Variants in ADAMTS3 observed in about 807,000 individuals in gnomAD.
ADAMTS3 encodes the protein A disintegrin and metalloproteinase with thrombospondin motifs 3.
A neutral mutation model predicts 129.0 loss-of-function variants in ADAMTS3; 73 were observed. The ratio of observed to expected loss-of-function variants is 0.57; its 90% CI spans 0.47 to 0.69. ADAMTS3 has a LOEUF of 0.69. Among genes scored for constraint, ADAMTS3 ranks in the 30% least tolerant of loss-of-function variants. The probability of loss-of-function intolerance (pLI) is 0.00; values close to 1 mark genes in which losing one functional copy is unlikely to be tolerated. For missense variants in ADAMTS3, 1,457 were observed against 1,514.5 expected (o/e 0.96, Z 0.63); for synonymous variants, 477 against 510.8 (o/e 0.93, Z 0.89).
intron 3 of ADAMTS3, among the ~76,000 whole-genome samples, chr4:72,518,293 CT>C (rs1349650324): frequency 6.6e-6 from 1 of 152,068 alleles, no homozygotes; most frequent in African/African-American, 2.4e-5. Context: ...TGGTATGGTG[CT>C]GAAAAAAATG....
intron 5 of ADAMTS3, among the ~76,000 whole-genome samples, chr4:72,337,055 G>C (rs372709773): frequency 6.6e-6 from 1 of 152,172 alleles, no homozygotes. Context: ...TTCTTCATCT[G>C]TGTGATTTCC....
In ADAMTS3 at chr4:72,318,882, T is replaced by G. The variant is rs545645481; in HGVS notation, c.1353-178A>C. On this transcript the variant is annotated intron_variant, in intron 9 of 21. Coordinates refer to ENST00000286657, the MANE Select transcript of ADAMTS3 (RefSeq NM_014243.3). ...TGGTTCCATTTAGAAAAAGACTCTT[T>G]ACCTGTATTCATGCCAGGAAAGTAA... Among the ~76,000 whole-genome samples the G allele has an allele frequency of 5.9e-5, 9 of 152,326 alleles. 1 individual carries two copies. The East Asian group carries it at 1.7e-3, about 29-fold the overall frequency.
intron 3 of ADAMTS3, among the ~76,000 whole-genome samples, chr4:72,524,442 AAAT>A (rs775643861): frequency 2.4e-4 from 36 of 152,276 alleles, no homozygotes; most frequent in Admixed American, 1.3e-3. Flanking sequence ...GTACAGCTAA[AAAT>A]AATAATAATA....
At chr4:72,399,625 G>T (rs764118774) in intron 4 of ADAMTS3, among the ~76,000 whole-genome samples, 2 of 151,616 alleles carry the variant, frequency 1.3e-5, no homozygotes, top group Non-Finnish European at 1.5e-5. Flanking sequence ...TATAATTCTT[G>T]GGAGACTCAA....
intron 3 of ADAMTS3, among the ~76,000 whole-genome samples, chr4:72,530,453 T>A (rs376391081): frequency 4.5e-5 from 4 of 89,656 alleles, no homozygotes; most frequent in South Asian, 7.4e-4. Context: ...TAATATATAT[T>A]ATATATTAAA....
chr4:72,449,097 T>C (rs557168263), intron 3 of ADAMTS3, among the ~76,000 whole-genome samples: 5 of 151,838 alleles, frequency 3.3e-5, no homozygotes, highest in African/African-American at 9.6e-5. Flanking sequence ...TGACTCTTTC[T>C]CTGCACTTGT....
At position 72,315,862 on chromosome 4, in the gene ADAMTS3, C is replaced by A. The variant is rs955361741; in HGVS notation, c.1595G>T (p.Gly532Val). Residue 532 changes from glycine to valine, a missense_variant, in exon 11 of 22, where the codon GGA becomes GTA. By Grantham distance (109) the Gly-to-Val change is moderately radical. Transcript: ENST00000286657. ...PPLDGTECAA[G>V]KWCYKGHCMW... ...TGTGTAAATAGATATACTCACTTTTCCAGCAGCACATTCAGTCCCATCAAG... is the reference window on the plus strand; with the variant it reads ...TGTGTAAATAGATATACTCACTTTTACAGCAGCACATTCAGTCCCATCAAG... 11 of 1,588,384 alleles carry A rather than the reference C, an allele frequency of 6.9e-6. No individual in the cohort carries two copies. The highest frequency in any genetic ancestry group is 9.5e-6 in the Non-Finnish European group (11 of 1,160,900).
At chr4:72,322,641 G>A (rs184378257) in intron 6 of ADAMTS3, among the ~76,000 whole-genome samples, 4 of 152,116 alleles carry the variant, frequency 2.6e-5, no homozygotes, top group African/African-American at 9.6e-5. Context: ...GCACTTAGTA[G>A]GCATTCAATA....
intron 4 of ADAMTS3, among the ~76,000 whole-genome samples, chr4:72,349,001 C>A (rs560673271): frequency 6.6e-6 from 1 of 152,044 alleles, no homozygotes; most frequent in Non-Finnish European, 1.5e-5. Context: ...CCTTAGACTT[C>A]TGACCTATAG....
chr4:72,306,723 T>A (rs1719098522), intron 15 of ADAMTS3, among the ~76,000 whole-genome samples: 1 of 151,970 alleles, frequency 6.6e-6, no homozygotes, highest in Admixed American at 6.6e-5. Context: ...GTGTGCAAGA[T>A]GTGTTATGCA....
intron 3 of ADAMTS3, among the ~76,000 whole-genome samples, chr4:72,436,248 G>GA: frequency 6.6e-6 from 1 of 152,128 alleles, no homozygotes; most frequent in South Asian, 2.1e-4. Flanking sequence ...AAAGACACAT[G>GA]AAAAAAATGT....
At chr4:72,400,271 T>C (rs373562084) in intron 4 of ADAMTS3, among the ~76,000 whole-genome samples, 2 of 148,064 alleles carry the variant, frequency 1.4e-5, no homozygotes, top group Non-Finnish European at 3.0e-5. Context: ...TGTGTATATA[T>C]GCACACATGG....
intron 2 of ADAMTS3, among the ~76,000 whole-genome samples, chr4:72,550,559 A>G (rs1308564466): frequency 1.3e-5 from 2 of 152,192 alleles, no homozygotes; most frequent in African/African-American, 2.4e-5. Context: ...TAGGCAAAGA[A>G]GCAGTGAGGA....
At chr4:72,341,766 G>A (rs1434790078) in intron 4 of ADAMTS3, among the ~76,000 whole-genome samples, 2 of 152,150 alleles carry the variant, frequency 1.3e-5, no homozygotes, top group Non-Finnish European at 2.9e-5. Flanking sequence ...CTTTAAATAG[G>A]TAGTTTTCTG....
At chr4:72,510,311 T>C (rs1171262992) in intron 3 of ADAMTS3, among the ~76,000 whole-genome samples, 3 of 151,928 alleles carry the variant, frequency 2.0e-5, no homozygotes, top group East Asian at 1.9e-4. Context: ...GGCATCCAAA[T>C]TGGAAAGAAA....
At chr4:72,467,515 A>G (rs1450913082) in intron 3 of ADAMTS3, among the ~76,000 whole-genome samples, 1 of 151,938 alleles carries the variant, frequency 6.6e-6, no homozygotes, top group Non-Finnish European at 1.5e-5. Context: ...TGTATCTCCA[A>G]CTTCTCCTAC....
At chr4:72,480,132 T>C (rs1304888026) in intron 3 of ADAMTS3, among the ~76,000 whole-genome samples, 3 of 152,184 alleles carry the variant, frequency 2.0e-5, no homozygotes, top group Non-Finnish European at 4.4e-5. Context: ...TGGAAGTCAG[T>C]GTGGCGATTC....
At chr4:72,555,554 T>G (rs565160514) in intron 2 of ADAMTS3, among the ~76,000 whole-genome samples, 1 of 151,818 alleles carries the variant, frequency 6.6e-6, no homozygotes, top group Non-Finnish European at 1.5e-5. Context: ...CAAAAACTCA[T>G]GCAATGTCTG....
At chr4:72,500,887 T>C (rs570327097) in intron 3 of ADAMTS3, among the ~76,000 whole-genome samples, 1 of 152,290 alleles carries the variant, frequency 6.6e-6, no homozygotes, top group South Asian at 2.1e-4. Flanking sequence ...CCCTATTGCT[T>C]ACTTTTGTTA....
Sources: gnomAD v4.1 joint callset for allele counts (sites outside exome capture counted in the v4.1 genomes callset) on GRCh38, gnomAD v4.1.1 for gene constraint, MANE v1.5 for transcripts, NCBI Gene and HGNC (gene_info 2026-07-23, HGNC 2026-07-21) for gene names.